The following DPP10 variants were observed in gnomAD, a reference collection of about 807,000 sequenced individuals.
DPP10 encodes the protein inactive dipeptidyl peptidase 10.
DPP10 carries 33 observed loss-of-function variants against 120.9 expected under a neutral mutation model. The observed-to-expected ratio is 0.27, with a 90% CI of 0.21 to 0.37. DPP10 has a LOEUF of 0.37. DPP10 is among the 10% of genes least tolerant of loss of function. The probability of loss-of-function intolerance (pLI) is 1.00; values close to 1 mark genes in which losing one functional copy is unlikely to be tolerated. For missense variants in DPP10, 816 were observed against 942.8 expected (o/e 0.87, Z 1.76); for synonymous variants, 337 against 326.1 (o/e 1.03, Z -0.36).
intron 1 of DPP10, among the ~76,000 whole-genome samples, chr2:114,497,784 C>T (rs1211053764): frequency 6.6e-6 from 1 of 152,140 alleles, no homozygotes; most frequent in African/African-American, 2.4e-5. Flanking sequence ...AACTCTCATC[C>T]CCTTCAATGG....
intron 5 of DPP10, among the ~76,000 whole-genome samples, chr2:115,666,906 T>C (rs1403568446): frequency 1.3e-5 from 2 of 152,164 alleles, no homozygotes; most frequent in Non-Finnish European, 2.9e-5. Flanking sequence ...CTCTGCAAAC[T>C]CACCAGCAGC....
At chr2:114,846,124 C>A (rs1437056795) in intron 1 of DPP10, among the ~76,000 whole-genome samples, 1 of 151,938 alleles carries the variant, frequency 6.6e-6, no homozygotes, top group Non-Finnish European at 1.5e-5. Context: ...CATAATTTAT[C>A]ATAGGCATAA....
In DPP10 at chr2:114,677,685, A is replaced by G. The variant is rs546744530; in HGVS notation, c.60+234847A>G. On this transcript the variant is annotated intron_variant, in intron 1 of 25. Transcript: ENST00000410059. ...CAATGTTTGCCTTTTCAGCGAATCA[A>G]TATAGTTAAAGGAATATAGTGTTTG... Among the ~76,000 whole-genome samples the G allele has an allele frequency of 2.0e-5, 3 of 152,260 alleles. No individual in the cohort carries two copies. The South Asian group carries it at 6.2e-4, about 32-fold the overall frequency.
intron 5 of DPP10, among the ~76,000 whole-genome samples, chr2:115,605,785 C>T (rs564496769): frequency 1.3e-5 from 2 of 152,124 alleles, no homozygotes; most frequent in East Asian, 1.9e-4. Flanking sequence ...ATTTCTGGAG[C>T]ACCTAGTATG....
At chr2:114,649,543 G>A (rs556826999) in intron 1 of DPP10, among the ~76,000 whole-genome samples, 27 of 151,926 alleles carry the variant, frequency 1.8e-4, no homozygotes, top group African/African-American at 6.0e-4. Context: ...TAGTAGAGAC[G>A]GGGTTTCACT....
chr2:114,662,301 A>T (rs1168540969), intron 1 of DPP10, among the ~76,000 whole-genome samples: 2 of 152,178 alleles, frequency 1.3e-5, no homozygotes, highest in African/African-American at 4.8e-5. Context: ...CGAAAGTCCA[A>T]AATCTCCTCG....
intron 3 of DPP10, among the ~76,000 whole-genome samples, chr2:115,407,885 T>G (rs1712012): frequency 0.6 from 91,130 of 151,598 alleles, 28,615 homozygotes; most frequent in Middle Eastern, 0.74. Context: ...AAAAAAGTAG[T>G]CATTTTTTTT....
rs1042003851 is a variant in DPP10, at chr2:115,689,559, G to A, written c.442-128G>A. 32 of 681,578 alleles carry A rather than the reference G, an allele frequency of 4.7e-5. No homozygotes were observed. In the Admixed American group the frequency reaches 9.8e-4, roughly 21 times the overall value. The allele number at this position is 681,578 out of a possible 1,614,324, so 42.2% of individuals were successfully genotyped here. On this transcript the variant is annotated intron_variant, in intron 5 of 25. Transcript: ENST00000410059. The stretch of plus-strand genomic sequence containing the variant: ...GAGAGGGTGATAAACTTCTGAGCTA[G>A]AATGTTTTATATTTTCATTTCTGCC...
intron 5 of DPP10, among the ~76,000 whole-genome samples, chr2:115,598,529 T>G (rs1575291924): frequency 6.6e-6 from 1 of 152,162 alleles, no homozygotes; most frequent in East Asian, 1.9e-4. Context: ...TATACTTCAA[T>G]TTTTGTAGCA....
At chr2:114,521,733 A>T (rs1050965131) in intron 1 of DPP10, among the ~76,000 whole-genome samples, 7 of 151,846 alleles carry the variant, frequency 4.6e-5, no homozygotes, top group African/African-American at 1.7e-4. Flanking sequence ...CTAGTCTAAA[A>T]TTCTTCATGG....
chr2:114,860,160 C>A (rs1289765473), intron 1 of DPP10, among the ~76,000 whole-genome samples: 1 of 152,190 alleles, frequency 6.6e-6, no homozygotes, highest in Admixed American at 6.5e-5. Flanking sequence ...AATTAAGTCA[C>A]AAATTCCCTA....
chr2:115,719,524 A>G (rs141537227), intron 7 of DPP10, among the ~76,000 whole-genome samples: 90 of 152,278 alleles, frequency 5.9e-4, no homozygotes, highest in African/African-American at 1.7e-3. Context: ...AGAGAGATTT[A>G]TTTAAGACCA....
chr2:115,744,378 C>CA (rs2149709655), intron 9 of DPP10, among the ~76,000 whole-genome samples: 1 of 150,270 alleles, frequency 6.7e-6, no homozygotes, highest in South Asian at 2.1e-4. Flanking sequence ...TAAATTAAAA[C>CA]AAGAATGATG....
intron 5 of DPP10, among the ~76,000 whole-genome samples, chr2:115,658,941 G>C (rs2088651490): frequency 6.6e-6 from 1 of 152,064 alleles, no homozygotes; most frequent in African/African-American, 2.4e-5. Context: ...TCTCTGGTTT[G>C]AAAGTGTCCC....
intron 1 of DPP10, among the ~76,000 whole-genome samples, chr2:115,200,483 G>A (rs565536320): frequency 4.6e-5 from 7 of 152,254 alleles, no homozygotes; most frequent in African/African-American, 7.2e-5. Context: ...AGGAAGCTCC[G>A]TTCAGGAAAA....
intron 1 of DPP10, among the ~76,000 whole-genome samples, chr2:114,977,102 G>C (rs1415561931): frequency 6.6e-6 from 1 of 151,826 alleles, no homozygotes; most frequent in South Asian, 2.1e-4. Context: ...TATTCAGTTT[G>C]CTTTGATAAT....
intron 1 of DPP10, among the ~76,000 whole-genome samples, chr2:114,607,376 C>T (rs1573777818): frequency 1.3e-5 from 2 of 152,064 alleles, no homozygotes; most frequent in East Asian, 1.9e-4. Flanking sequence ...GTTTATGTGC[C>T]TATGTGACAA....
At chr2:115,716,137 A>G (rs1057321644) in intron 7 of DPP10, among the ~76,000 whole-genome samples, 15 of 152,228 alleles carry the variant, frequency 9.9e-5, no homozygotes, top group African/African-American at 3.6e-4. Flanking sequence ...GTAACCCAGT[A>G]TTGTTGTTGT....
intron 3 of DPP10, among the ~76,000 whole-genome samples, chr2:115,371,148 G>A (rs1045967300): frequency 7.2e-5 from 11 of 152,080 alleles, no homozygotes; most frequent in Admixed American, 2.0e-4. Context: ...AATTTGACCT[G>A]TGTTTCTTCA....
Sources: allele counts gnomAD v4.1 joint callset (sites outside exome capture counted in the v4.1 genomes callset), GRCh38; gene constraint gnomAD v4.1.1; transcripts MANE v1.5; gene names NCBI Gene and HGNC (gene_info 2026-07-23, HGNC 2026-07-21).